NPAS3: variants seen among roughly 807,000 people sequenced by gnomAD.
NPAS3 encodes neuronal PAS domain protein 3.
A neutral mutation model predicts 73.1 loss-of-function variants in NPAS3; 14 were observed. That is an observed-to-expected ratio of 0.19 (90% confidence interval 0.13 to 0.30). The LOEUF is 0.30. NPAS3 is among the 10% of genes least tolerant of loss of function. The pLI, the probability that NPAS3 is intolerant of heterozygous loss-of-function variation, is 1.00. For synonymous variants in NPAS3, 620 were observed against 541.5 expected, an observed-to-expected ratio of 1.14 and a Z score of -2.01; for missense variants, 1,096 against 1,250.0, an observed-to-expected ratio of 0.88 and a Z score of 1.86.
chr14:33,634,710 G>A (rs2058468277), intron 5 of NPAS3, among the ~76,000 whole-genome samples: 1 of 152,202 alleles, frequency 6.6e-6, no homozygotes, highest in African/African-American at 2.4e-5. Context: ...AAGACCAAAG[G>A]AGATTCAGTT....
chr14:33,521,435 G>A (rs1418805084), intron 4 of NPAS3, among the ~76,000 whole-genome samples: 1 of 150,406 alleles, frequency 6.6e-6, no homozygotes, highest in Non-Finnish European at 1.5e-5. Flanking sequence ...ACTTATCTTT[G>A]CCCTGAGGGC....
intron 5 of NPAS3, among the ~76,000 whole-genome samples, chr14:33,613,788 T>C (rs71419950): frequency 0.063 from 9,436 of 150,730 alleles, 531 homozygotes; most frequent in East Asian, 0.28. Flanking sequence ...ATTAAATGTA[T>C]CTACTTTAAG....
intron 2 of NPAS3, among the ~76,000 whole-genome samples, chr14:33,074,186 A>T (rs1291029513): frequency 6.6e-6 from 1 of 152,218 alleles, no homozygotes; most frequent in Non-Finnish European, 1.5e-5. Context: ...GGCAGCCAGA[A>T]ATGTTTCTGC....
chr14:33,255,281 GTTCTTAGGTAA>G (rs771824295), intron 3 of NPAS3, among the ~76,000 whole-genome samples: 1 of 152,096 alleles, frequency 6.6e-6, no homozygotes, highest in Non-Finnish European at 1.5e-5. Context: ...TGCCAGTGTT[GTTCTTAGGTAA>G]TTCTTCTAAG....
At chr14:33,444,924 A>G (rs2049417275) in intron 4 of NPAS3, among the ~76,000 whole-genome samples, 1 of 152,206 alleles carries the variant, frequency 6.6e-6, no homozygotes, top group African/African-American at 2.4e-5. Flanking sequence ...TCTGCTACCC[A>G]ATTTAATTAT....
chr14:33,454,645 G>A (rs2049944740), intron 4 of NPAS3, among the ~76,000 whole-genome samples: 1 of 152,168 alleles, frequency 6.6e-6, no homozygotes, highest in Admixed American at 6.5e-5. Context: ...TAAAATCATG[G>A]TATTTGAGAG....
intron 1 of NPAS3, among the ~76,000 whole-genome samples, chr14:33,011,227 A>C (rs1396087546): frequency 1.3e-5 from 2 of 152,200 alleles, no homozygotes; most frequent in Non-Finnish European, 2.9e-5. Flanking sequence ...TATACTTTTA[A>C]ATTTTTATTT....
At chr14:33,746,199 A>ATTTATTTATTT (rs571026434) in intron 7 of NPAS3, among the ~76,000 whole-genome samples, 1 of 148,934 alleles carries the variant, frequency 6.7e-6, no homozygotes, top group African/African-American at 2.5e-5. Context: ...TTATTTATTT[A>ATTTATTTATTT]TTTTTTTGAG....
At chr14:33,295,692 T>G (rs1178103501) in intron 3 of NPAS3, among the ~76,000 whole-genome samples, 1 of 152,248 alleles carries the variant, frequency 6.6e-6, no homozygotes, top group African/African-American at 2.4e-5. Context: ...AGGATACTTA[T>G]GTAATGTATT....
At chr14:33,383,522 C>T (rs1238698131) in intron 4 of NPAS3, among the ~76,000 whole-genome samples, 1 of 152,104 alleles carries the variant, frequency 6.6e-6, no homozygotes, top group Non-Finnish European at 1.5e-5. Context: ...CCTTCTCAGC[C>T]AAGGGGTCAT....
chr14:33,348,621 T>A (rs1473249859), intron 3 of NPAS3, among the ~76,000 whole-genome samples: 3 of 152,180 alleles, frequency 2.0e-5, no homozygotes, highest in East Asian at 1.9e-4. Context: ...TTTTTAAAGA[T>A]CTTCTTGGTA....
At chr14:33,726,369 G>C (rs554757598) in intron 6 of NPAS3, among the ~76,000 whole-genome samples, 3 of 152,262 alleles carry the variant, frequency 2.0e-5, no homozygotes, top group African/African-American at 4.8e-5. Context: ...AAATTCAAAA[G>C]ATAACTTCTC....
chr14:33,063,958 G>A (rs1436864835), intron 2 of NPAS3, among the ~76,000 whole-genome samples: 1 of 152,104 alleles, frequency 6.6e-6, no homozygotes, highest in Non-Finnish European at 1.5e-5. Flanking sequence ...AGATGTTGAA[G>A]AACTTAAAGT....
At chr14:33,425,241 G>A (rs951729019) in intron 4 of NPAS3, among the ~76,000 whole-genome samples, 7 of 151,902 alleles carry the variant, frequency 4.6e-5, no homozygotes, top group African/African-American at 1.7e-4. Flanking sequence ...TGCGCCAATA[G>A]GAGATAAGGA....
intron 2 of NPAS3, among the ~76,000 whole-genome samples, chr14:33,178,859 T>C (rs1566644805): frequency 1.3e-5 from 2 of 152,198 alleles, no homozygotes; most frequent in Non-Finnish European, 1.5e-5. Context: ...CAATGTTGAA[T>C]AGCATTGGTA....
intron 2 of NPAS3, among the ~76,000 whole-genome samples, chr14:33,064,508 T>C (rs1012484984): frequency 6.6e-6 from 1 of 152,210 alleles, no homozygotes; most frequent in Non-Finnish European, 1.5e-5. Flanking sequence ...TTGGTGGGCC[T>C]TCAACTTGTG....
intron 3 of NPAS3, among the ~76,000 whole-genome samples, chr14:33,252,074 TGTG>T (rs2048607601): frequency 2.0e-5 from 3 of 151,384 alleles, no homozygotes; most frequent in African/African-American, 7.3e-5. Context: ...TGTGTGTGTG[TGTG>T]TGTGTGTGTG....
At chr14:32,996,912 T>C (rs2139527195) in intron 1 of NPAS3, among the ~76,000 whole-genome samples, 1 of 152,224 alleles carries the variant, frequency 6.6e-6, no homozygotes, top group East Asian at 1.9e-4. Flanking sequence ...GACGCCGGAA[T>C]GGTAGATCCA....
chr14:33,800,904 A>G lies in NPAS3; in HGVS notation c.2597A>G (p.Lys866Arg). Residue 866 changes from lysine to arginine, a missense_variant, in exon 12 of 12, where the codon AAG becomes AGG. Coordinates refer to ENST00000356141, the Ensembl canonical transcript of NPAS3. The surrounding 1 kb of genome is among the most constrained non-coding windows in gnomAD (Gnocchi z 6.5). ...AGCCCCGGCTTTGGCCTCGACCCCAAGACGCCCATGGAGATGCTCTACCAC... is the reference window on the plus strand; with the variant it reads ...AGCCCCGGCTTTGGCCTCGACCCCAGGACGCCCATGGAGATGCTCTACCAC... 6.2e-7 allele frequency: 1 copy of G among 1,608,542 alleles called. No homozygotes were observed. Among genetic ancestry groups the G allele is most frequent in the Non-Finnish European group, 8.5e-7 (1 of 1,178,008 alleles).
Sources: allele counts gnomAD v4.1 joint callset (sites outside exome capture counted in the v4.1 genomes callset), GRCh38; gene constraint gnomAD v4.1.1; non-coding constraint Gnocchi (gnomAD v3.1); transcripts MANE v1.5; gene names NCBI Gene and HGNC (gene_info 2026-07-23, HGNC 2026-07-21).